ERG: variants seen among roughly 807,000 people sequenced by gnomAD.
The protein encoded by ERG is ETS transcription factor ERG.
ERG carries 9 observed loss-of-function variants against 55.3 expected under a neutral mutation model. The observed-to-expected ratio is 0.16, with a 90% CI of 0.10 to 0.28. The LOEUF (loss-of-function observed/expected upper bound fraction) is 0.28, where lower values mean the gene tolerates loss of function less well. Among genes scored for constraint, ERG ranks in the 10% least tolerant of loss-of-function variants. ERG has a pLI of 1.00. For synonymous variants in ERG, 223 were observed against 237.3 expected (o/e 0.94, Z 0.55); for missense variants, 434 against 631.6 (o/e 0.69, Z 3.35).
At chr21:38,641,846 C>T (rs1019770283) in intron 1 of ERG, among the ~76,000 whole-genome samples, 2 of 152,124 alleles carry the variant, frequency 1.3e-5, no homozygotes, top group African/African-American at 2.4e-5. Context: ...TGATAAACTA[C>T]AGCATGGTTT....
rs2059034081 is a variant in ERG at position 38,460,726 on chromosome 21, G to A, written c.19-15105C>T. 6.6e-6 allele frequency among the ~76,000 whole-genome samples: 1 copy of A among 152,182 alleles called. No homozygotes were observed. The highest frequency in any genetic ancestry group is 2.4e-5 in the African/African-American group (1 of 41,442). Reference sequence around the variant, plus strand: ...GGGCAGCCTTTAGGGAAACTGACTTGTGGCAACTGAAAGGAATAACGGCAC... The same window carrying A: ...GGGCAGCCTTTAGGGAAACTGACTTATGGCAACTGAAAGGAATAACGGCAC... On this transcript the variant is annotated intron_variant, in intron 1 of 9. Transcript: ENST00000288319. The surrounding 1 kb of genome is among the most constrained non-coding windows in gnomAD (Gnocchi z 5.0).
rs765647137 is a variant in ERG, at chr21:38,423,563, TGGA to T, written c.237-5_237-3del. ...ACACTGCATTCATCAGGAGAGTTCC[TGGA>T]GGAGAAGAAATATTCTTCCATTATA... On this transcript the variant is annotated splice_polypyrimidine_tract_variant and splice_region_variant and intron_variant, in intron 2 of 9. Coordinates refer to ENST00000288319, the MANE Select transcript of ERG (RefSeq NM_182918.4). 3.7e-6 allele frequency: 6 copies of T among 1,605,390 alleles called. No homozygotes were observed. Among genetic ancestry groups the T allele is most frequent in the African/African-American group, 1.3e-5 (1 of 74,752 alleles).
chr21:38,605,279 T>TA (rs1006739284), intron 1 of ERG, among the ~76,000 whole-genome samples: 1 of 152,098 alleles, frequency 6.6e-6, no homozygotes, highest in Admixed American at 6.5e-5. Context: ...TCACTGTTTT[T>TA]AAAAAATGGT....
chr21:38,498,595 G>A (rs2059398441), upstream of ERG: 3 of 950,514 alleles, frequency 3.2e-6, no homozygotes, highest in Admixed American at 4.4e-5. This position sits in a 1 kb window ranked among gnomAD's most constrained non-coding sequence, Gnocchi z 4.6. Flanking sequence ...AAGAGACCCT[G>A]AAAACAATGT....
intron 2 of ERG, among the ~76,000 whole-genome samples, chr21:38,510,733 CT>C (rs1192725188): frequency 6.6e-6 from 1 of 152,156 alleles, no homozygotes; most frequent in Non-Finnish European, 1.5e-5. Flanking sequence ...AAACTGCCAC[CT>C]TTTAACCACC....
At chr21:38,574,133 T>C (rs941044683) in intron 2 of ERG, among the ~76,000 whole-genome samples, 7 of 152,226 alleles carry the variant, frequency 4.6e-5, no homozygotes, top group African/African-American at 1.2e-4. Context: ...ATCTGAACTA[T>C]AGAAGATATT....
intron 1 of ERG, among the ~76,000 whole-genome samples, chr21:38,577,886 C>T (rs1164233449): frequency 1.3e-5 from 2 of 152,194 alleles, no homozygotes; most frequent in African/African-American, 2.4e-5. Flanking sequence ...GACTGAAGCT[C>T]GTCCCCCTCC....
intron 1 of ERG, among the ~76,000 whole-genome samples, chr21:38,659,602 C>T (rs2060539898): frequency 6.6e-6 from 1 of 152,222 alleles, no homozygotes; most frequent in African/African-American, 2.4e-5. Context: ...TGTATTTTTA[C>T]TCACATTGAA....
chr21:38,520,983 T>C (rs1182086655), intron 2 of ERG, among the ~76,000 whole-genome samples: 1 of 152,046 alleles, frequency 6.6e-6, no homozygotes, highest in Non-Finnish European at 1.5e-5. Flanking sequence ...TTATAGATGG[T>C]TTTTAAGCCA....
chr21:38,454,194 T>C (rs1451586124), intron 1 of ERG, among the ~76,000 whole-genome samples: 2 of 152,118 alleles, frequency 1.3e-5, no homozygotes, highest in Admixed American at 6.5e-5. Flanking sequence ...TAAAAAGAAG[T>C]TTTTCTTTGC....
intron 3 of ERG, among the ~76,000 whole-genome samples, chr21:38,407,647 TA>T (rs1569073195): frequency 2.0e-5 from 3 of 146,682 alleles, no homozygotes; most frequent in South Asian, 2.1e-4. Context: ...TATATATATT[TA>T]ATGTATATTA....
upstream of ERG, among the ~76,000 whole-genome samples, chr21:38,502,027 G>C (rs898950449): frequency 6.6e-6 from 1 of 152,202 alleles, no homozygotes; most frequent in Non-Finnish European, 1.5e-5. Flanking sequence ...GGGGAGGAAG[G>C]TTAGGAGCTA....
Position 38,381,243 on chromosome 21 carries a change from G to C in ERG, c.*2160C>G, listed in dbSNP as rs551947724. On this transcript the variant is annotated 3_prime_UTR_variant, in exon 10 of 10. Transcript: ENST00000288319. ...ACAGGCCCTGAAACAGCTATGAAAA[G>C]GGCCAGTTCAGAAACCTATTCAGCT... 231 of 1,065,368 alleles carry C rather than the reference G, an allele frequency of 2.2e-4. 2 individuals are homozygous for C. The African/African-American group carries it at 3.5e-3, about 16-fold the overall frequency. The allele number at this position is 1,065,368 out of a possible 1,614,324, so 66.0% of individuals were successfully genotyped here. A position where few individuals can be genotyped will look rare whatever the true frequency, so the allele number is the denominator to read the frequency against.
intron 1 of ERG, among the ~76,000 whole-genome samples, chr21:38,641,934 G>C (rs1055605124): frequency 3.3e-5 from 5 of 152,152 alleles, no homozygotes; most frequent in African/African-American, 1.2e-4. Context: ...TGATTCAATT[G>C]GCCTGGGATA....
At chr21:38,469,005 A>AAAAAAAAAAAAAAAAAAC (rs2059116649) in intron 1 of ERG, among the ~76,000 whole-genome samples, 1 of 120,150 alleles carries the variant, frequency 8.3e-6, no homozygotes, top group Non-Finnish European at 2.0e-5. Flanking sequence ...AAAAAAAGAA[A>AAAAAAAAAAAAAAAAAAC]AAAAAAAAAG....
intron 2 of ERG, among the ~76,000 whole-genome samples, chr21:38,435,559 C>A (rs902687898): frequency 6.6e-6 from 1 of 152,152 alleles, no homozygotes; most frequent in African/African-American, 2.4e-5. Context: ...CAGCCTCTTC[C>A]CAACAGTCCT....
upstream of ERG, among the ~76,000 whole-genome samples, chr21:38,499,726 G>T (rs1413327826): frequency 6.6e-6 from 1 of 151,518 alleles, no homozygotes; most frequent in African/African-American, 2.4e-5. Flanking sequence ...GAAAGATAAG[G>T]GGGGAAAGGG....
intron 1 of ERG, among the ~76,000 whole-genome samples, chr21:38,600,275 G>A (rs1015875137): frequency 7.9e-5 from 12 of 152,262 alleles, no homozygotes; most frequent in Admixed American, 5.2e-4. Context: ...AGGCAGTTTT[G>A]ACAACCTCAG....
chr21:38,429,165 G>T (rs1425020062), intron 2 of ERG, among the ~76,000 whole-genome samples: 3 of 151,966 alleles, frequency 2.0e-5, no homozygotes, highest in Non-Finnish European at 4.4e-5. Flanking sequence ...AGTTACTTCG[G>T]TTAGAATAAT....
Sources: allele counts gnomAD v4.1 joint callset (sites outside exome capture counted in the v4.1 genomes callset), GRCh38; gene constraint gnomAD v4.1.1; non-coding constraint Gnocchi (gnomAD v3.1); transcripts MANE v1.5; gene names NCBI Gene and HGNC (gene_info 2026-07-23, HGNC 2026-07-21).